Variants in DLGAP2 observed in about 807,000 individuals in gnomAD.
DLGAP2 encodes the protein disks large-associated protein 2.
Under a neutral mutation model 100.3 loss-of-function variants are expected in DLGAP2, and 26 were observed. The observed-to-expected ratio is 0.26, with a 90% CI of 0.19 to 0.36. The LOEUF is 0.36. DLGAP2 is among the 10% of genes least tolerant of loss of function. The pLI is 1.00. For missense variants in DLGAP2, 1,858 were observed against 1,453.2 expected, an observed-to-expected ratio of 1.28 and a Z score of -4.53; for synonymous variants, 886 against 630.1, an observed-to-expected ratio of 1.41 and a Z score of -6.08.
chr8:1,199,749 G>T lies in DLGAP2; in HGVS notation c.74-59102G>T, dbSNP rs1210076445. ...GAATGTTTGTATCTAGGACACTTTA[G>T]CATGAGAGCTCTTGCATGATGGAAG... On this transcript the variant is annotated intron_variant, in intron 2 of 14. Transcript: ENST00000637795. Among the ~76,000 whole-genome samples the T allele has an allele frequency of 2.0e-5, 3 of 152,158 alleles. No individual in the cohort carries two copies. The South Asian group carries it at 6.2e-4, about 32-fold the overall frequency.
chr8:1,046,023 C>G (rs749243191), intron 2 of DLGAP2, among the ~76,000 whole-genome samples: 20 of 152,034 alleles, frequency 1.3e-4, no homozygotes, highest in Admixed American at 5.2e-4. Flanking sequence ...TGAGAGAATG[C>G]TAGGAATGTG....
At chr8:1,274,257 C>T (rs900039607) in intron 3 of DLGAP2, among the ~76,000 whole-genome samples, 1 of 151,992 alleles carries the variant, frequency 6.6e-6, no homozygotes, top group Admixed American at 6.6e-5. Flanking sequence ...AACTCTTCCC[C>T]ACCCACCATA....
At chr8:1,117,349 C>T (rs1014170751) in intron 2 of DLGAP2, among the ~76,000 whole-genome samples, 4 of 152,202 alleles carry the variant, frequency 2.6e-5, no homozygotes, top group East Asian at 1.9e-4. Flanking sequence ...GATGCGGTGA[C>T]GATGCACGGT....
intron 2 of DLGAP2, among the ~76,000 whole-genome samples, chr8:1,140,527 C>A (rs1325909385): frequency 1.3e-5 from 2 of 152,174 alleles, no homozygotes; most frequent in African/African-American, 4.8e-5. Context: ...TGGCCCTCAT[C>A]CTCCTTTCCC....
At chr8:1,168,747 AT>A (rs1797068706) in intron 2 of DLGAP2, among the ~76,000 whole-genome samples, 1 of 140,220 alleles carries the variant, frequency 7.1e-6, no homozygotes, top group African/African-American at 2.8e-5. Flanking sequence ...TTTCTCGTAA[AT>A]TTGTTTGAGT....
intron 3 of DLGAP2, among the ~76,000 whole-genome samples, chr8:1,437,093 A>G (rs1797659367): frequency 6.6e-6 from 1 of 151,346 alleles, no homozygotes; most frequent in Non-Finnish European, 1.5e-5. Context: ...CGTAGGGGTG[A>G]CGCCATCCGG....
chr8:1,038,482 G>A (rs1802198248), intron 2 of DLGAP2, among the ~76,000 whole-genome samples: 1 of 152,180 alleles, frequency 6.6e-6, no homozygotes, highest in South Asian at 2.1e-4. Flanking sequence ...CCTCTGTTCA[G>A]TACTGAATTG....
intron 3 of DLGAP2, among the ~76,000 whole-genome samples, chr8:1,351,363 A>C (rs1801720451): frequency 2.6e-5 from 1 of 37,944 alleles, no homozygotes; most frequent in Non-Finnish European, 5.1e-5. Flanking sequence ...GCGGGTCCTG[A>C]CTGTGTGTGG....
intron 2 of DLGAP2, among the ~76,000 whole-genome samples, chr8:1,004,702 A>G (rs11137122): frequency 0.38 from 58,423 of 152,028 alleles, 11,378 homozygotes; most frequent in Admixed American, 0.41. Flanking sequence ...GAGTGTCTCC[A>G]GTATGTGCGG....
At chr8:1,010,916 G>A (rs1473972206) in intron 2 of DLGAP2, among the ~76,000 whole-genome samples, 1 of 149,434 alleles carries the variant, frequency 6.7e-6, no homozygotes, top group South Asian at 2.2e-4. Context: ...CTACACAGTG[G>A]GCCCCAGGCG....
intron 2 of DLGAP2, among the ~76,000 whole-genome samples, chr8:1,077,843 G>T (rs1238978172): frequency 6.6e-6 from 1 of 152,088 alleles, no homozygotes; most frequent in Non-Finnish European, 1.5e-5. Context: ...AGCTCTTCTG[G>T]GTGACACAGC....
chr8:907,601 T>A (rs1798406178), intron 1 of DLGAP2, among the ~76,000 whole-genome samples: 1 of 152,190 alleles, frequency 6.6e-6, no homozygotes, highest in Non-Finnish European at 1.5e-5. Flanking sequence ...CCATTTACCT[T>A]ATTGTGGGAG....
chr8:808,565 T>A (rs11989888), intron 1 of DLGAP2, among the ~76,000 whole-genome samples: 31,132 of 152,112 alleles, frequency 0.2, 3,811 homozygotes, highest in African/African-American at 0.35. Flanking sequence ...GGTTGGTGCC[T>A]CTAGTGAGGC....
At position 1,508,746 on chromosome 8, in the gene DLGAP2, G is replaced by A. The variant is rs528969244; in HGVS notation, c.172+7315G>A. ...GGAAATGAACCCAGTGCCCGCAGGA[G>A]GCGCTGACGGCGTTCCCTAAAAACA... On this transcript the variant is annotated intron_variant, in intron 4 of 14. Transcript: ENST00000637795. Among the ~76,000 whole-genome samples, 33 of 151,210 alleles carry A rather than the reference G, an allele frequency of 2.2e-4. 1 individual carries two copies. The South Asian group carries it at 6.8e-3, about 31-fold the overall frequency.
chr8:1,676,198 C>T (rs1798807389), intron 10 of DLGAP2, among the ~76,000 whole-genome samples: 1 of 152,134 alleles, frequency 6.6e-6, no homozygotes, highest in Non-Finnish European at 1.5e-5. Context: ...CACCATAGGG[C>T]GTGATAAGAG....
chr8:1,160,237 T>C (rs1796864173), intron 2 of DLGAP2, among the ~76,000 whole-genome samples: 1 of 152,190 alleles, frequency 6.6e-6, no homozygotes, highest in Admixed American at 6.5e-5. Context: ...GTTTTTCAGC[T>C]GGGTGGGGAC....
At chr8:1,072,886 C>T (rs375939866) in intron 2 of DLGAP2, among the ~76,000 whole-genome samples, 1 of 152,198 alleles carries the variant, frequency 6.6e-6, no homozygotes, top group Non-Finnish European at 1.5e-5. Flanking sequence ...GACCCTGTGC[C>T]TCTGGGATTT....
intron 3 of DLGAP2, among the ~76,000 whole-genome samples, chr8:1,432,103 C>T (rs1172240169): frequency 1.3e-5 from 2 of 152,208 alleles, no homozygotes; most frequent in Non-Finnish European, 2.9e-5. Context: ...AGGCTGCCAT[C>T]CATCGGGGCT....
chr8:1,575,587 T>C (rs1450060690), intron 6 of DLGAP2, among the ~76,000 whole-genome samples: 1 of 149,508 alleles, frequency 6.7e-6, no homozygotes, highest in African/African-American at 2.4e-5. Flanking sequence ...TCATTTACAT[T>C]AGATATATCT....
Sources: allele counts gnomAD v4.1 joint callset (sites outside exome capture counted in the v4.1 genomes callset), GRCh38; gene constraint gnomAD v4.1.1; transcripts MANE v1.5; gene names NCBI Gene and HGNC (gene_info 2026-07-23, HGNC 2026-07-21).